MAP3K3: variants seen among roughly 807,000 people sequenced by gnomAD.
MAP3K3 encodes the protein MAP/ERK kinase kinase 3.
MAP3K3 carries 12 observed loss-of-function variants against 80.9 expected under a neutral mutation model. The observed-to-expected ratio is 0.15, with a 90% CI of 0.10 to 0.24. The LOEUF (loss-of-function observed/expected upper bound fraction) is 0.24. MAP3K3 is among the 10% of genes least tolerant of loss of function. The pLI, the probability that MAP3K3 is intolerant of heterozygous loss-of-function variation, is 1.00. For missense variants in MAP3K3, 596 were observed against 834.7 expected (o/e 0.71, Z 3.52); for synonymous variants, 272 against 307.1 (o/e 0.89, Z 1.19).
In MAP3K3 at chr17:63,652,666, CAGAT is replaced by C; in HGVS notation, c.267+11_267+14del. 1 of 1,578,320 alleles carries C rather than the reference CAGAT, an allele frequency of 6.3e-7. No homozygotes were observed. Among genetic ancestry groups the C allele is most frequent in the Non-Finnish European group, 8.7e-7 (1 of 1,147,442 alleles). On this transcript the variant is annotated intron_variant, in intron 4 of 15. Transcript: ENST00000361733. Reference sequence around the variant, plus strand: ...TTACATGAACAATGAGGTGAGAAGGCAGATGGATGGGGCAGGGACAAGAGGGGCA... The same window carrying C: ...TTACATGAACAATGAGGTGAGAAGGCGGATGGGGCAGGGACAAGAGGGGCA...
At chr17:63,624,432 A>G (rs559304209) in intron 1 of MAP3K3, among the ~76,000 whole-genome samples, 1 of 152,192 alleles carries the variant, frequency 6.6e-6, no homozygotes, top group Non-Finnish European at 1.5e-5. Context: ...TAGAGTGCCC[A>G]CATGTGTTGA....
At chr17:63,623,769 G>T (rs2034043266) in intron 1 of MAP3K3, among the ~76,000 whole-genome samples, 1 of 152,128 alleles carries the variant, frequency 6.6e-6, no homozygotes, top group South Asian at 2.1e-4. Flanking sequence ...CAAAATATTT[G>T]GTATTGCCCT....
At chr17:63,682,333 G>A (rs2035356097) in intron 7 of MAP3K3, 1 of 152,952 alleles carries the variant, frequency 6.5e-6, no homozygotes, top group African/African-American at 2.4e-5. Context: ...TTACACTGTA[G>A]GATTGGTTAG....
Position 63,691,120 on chromosome 17 carries a change from T to A in MAP3K3, c.1231T>A (p.Cys411Ser). 6.2e-7 allele frequency: 1 copy of A among 1,613,860 alleles called. No homozygotes were observed. Among genetic ancestry groups the A allele is most frequent in the East Asian group, 2.2e-5 (1 of 44,876 alleles). Residue 411 changes from cysteine (C) to serine (S), a missense_variant, in exon 13 of 16, where the codon TGC (cysteine) becomes AGC (serine). Cys to Ser is a moderately radical substitution (Grantham distance 112). Transcript: ENST00000361733. This position sits in a 1 kb window ranked among gnomAD's most constrained non-coding sequence, Gnocchi z 4.8. ...ETSKEVSALE[C>S]EIQLLKNLQH... ...CCCCTAGGAGGTGAGTGCTCTGGAG[T>A]GCGAGATCCAGTTGCTAAAGAACTT...
At chr17:63,634,714 A>G (rs746135992) in intron 2 of MAP3K3, 10 of 1,612,398 alleles carry the variant, frequency 6.2e-6, no homozygotes, top group Non-Finnish European at 8.5e-6. Context: ...TAAAGAAAAA[A>G]CACAACAGCA....
At position 63,690,324 on chromosome 17, in the gene MAP3K3, G is replaced by A; in HGVS notation, c.1124G>A (p.Arg375Lys). The A allele has an allele frequency of 6.2e-7, 1 of 1,614,208 alleles. No individual in the cohort carries two copies. The highest frequency in any genetic ancestry group is 8.5e-7 in the Non-Finnish European group (1 of 1,180,034). ...CTCCTGGGCCAGGGTGCCTTCGGCA[G>A]GGTCTATTTGTGCTATGACGTGGAC... ...GKLLGQGAFG[R>K]VYLCYDVDTG... is the part of the protein sequence containing the mutation. Residue 375 changes from arginine to lysine, a missense_variant, in exon 12 of 16, where the codon AGG (arginine) becomes AAG (lysine). Around this residue, in one of 2 missense-constraint regions of MAP3K3, gnomAD observed 364 missense variants for 588.9 expected, o/e 0.62. Transcript: ENST00000361733.
chr17:63,686,336 AGAC>A (rs1354889469), intron 8 of MAP3K3, among the ~76,000 whole-genome samples: 1 of 152,232 alleles, frequency 6.6e-6, no homozygotes, highest in Non-Finnish European at 1.5e-5. Context: ...CTTGCCTAAT[AGAC>A]CTGAGCACTG....
At position 63,689,562 on chromosome 17, in the gene MAP3K3, G is replaced by A. The variant is rs149846705; in HGVS notation, c.890G>A (p.Arg297Gln). 7.7e-5 allele frequency: 124 copies of A among 1,613,320 alleles called. 1 individual carries two copies. Among genetic ancestry groups the A allele is most frequent in the South Asian group, 4.4e-4 (40 of 90,952 alleles). ...CTTTCAGGCAGAAGAACATTTCCCCGAATACGGCGTCATCAAGGCAACTTG... is the reference window on the plus strand; with the variant it reads ...CTTTCAGGCAGAAGAACATTTCCCCAAATACGGCGTCATCAAGGCAACTTG... ...DYSDGRRTFP[R>Q]IRRHQGNLFT... is the part of the protein sequence containing the mutation. The change falls in exon 11 of 16, where the codon CGA becomes CAA. Residue 297 changes from arginine (R) to glutamine (Q), a missense_variant. Arg to Gln is a conservative substitution (Grantham distance 43). Transcript: ENST00000361733. The surrounding 1 kb of genome is among the most constrained non-coding windows in gnomAD (Gnocchi z 4.3).
intron 3 of MAP3K3, among the ~76,000 whole-genome samples, chr17:63,651,914 G>T (rs1174958475): frequency 6.6e-6 from 1 of 152,168 alleles, no homozygotes; most frequent in Non-Finnish European, 1.5e-5. Flanking sequence ...AAAGATGAAC[G>T]ATGGAAAAGA....
At chr17:63,622,862 G>A (rs2034017192) in intron 1 of MAP3K3, 99 bp downstream of exon 1, 2 of 266,610 alleles carry the variant, frequency 7.5e-6, no homozygotes, top group Admixed American at 3.7e-5. Context: ...TGACAGGCAT[G>A]GACAGCCCGC....
intron 7 of MAP3K3, 65 bp downstream of exon 7, chr17:63,681,964 G>A (rs192634159): frequency 7.7e-7 from 1 of 1,295,428 alleles, no homozygotes; most frequent in East Asian, 2.8e-5. Flanking sequence ...ATAACAAGGG[G>A]TTCTTAGTAG....
intron 12 of MAP3K3, 48 bp downstream of exon 12, chr17:63,690,460 A>G: frequency 6.3e-7 from 1 of 1,593,832 alleles, no homozygotes; most frequent in East Asian, 2.2e-5. Flanking sequence ...TTCAACAAAA[A>G]TGCCTGTCTT....
At chr17:63,683,493 C>CT (rs931221129) in intron 7 of MAP3K3, among the ~76,000 whole-genome samples, 4 of 152,094 alleles carry the variant, frequency 2.6e-5, no homozygotes, top group African/African-American at 7.2e-5. Context: ...GCCCCCTTCA[C>CT]TTTTTTACTT....
At chr17:63,669,484 T>C (rs77697458) in intron 6 of MAP3K3, among the ~76,000 whole-genome samples, 1 of 152,076 alleles carries the variant, frequency 6.6e-6, no homozygotes, top group African/African-American at 2.4e-5. Flanking sequence ...TTTTTTTTTT[T>C]TCTCGAGACA....
At chr17:63,631,027 CTG>C (rs1038310794) in intron 1 of MAP3K3, among the ~76,000 whole-genome samples, 2 of 152,142 alleles carry the variant, frequency 1.3e-5, no homozygotes, top group Non-Finnish European at 2.9e-5. Context: ...TGGCTTATGT[CTG>C]TAATCCCAGC....
chr17:63,663,388 G>T (rs1422431477), intron 5 of MAP3K3, among the ~76,000 whole-genome samples: 1 of 152,044 alleles, frequency 6.6e-6, no homozygotes, highest in African/African-American at 2.4e-5. Context: ...CGCAATCCCA[G>T]ATACTCGGGA....
At chr17:63,641,798 A>G (rs1219055603) in intron 2 of MAP3K3, among the ~76,000 whole-genome samples, 1 of 152,128 alleles carries the variant, frequency 6.6e-6, no homozygotes, top group Non-Finnish European at 1.5e-5. Flanking sequence ...GGAGAAAGCC[A>G]GAAGTCAGAA....
chr17:63,679,796 A>G (rs1253569282), intron 6 of MAP3K3, among the ~76,000 whole-genome samples: 2 of 152,212 alleles, frequency 1.3e-5, no homozygotes, highest in Non-Finnish European at 2.9e-5. Flanking sequence ...GAGCAATAGG[A>G]AATATATATA....
intron 3 of MAP3K3, among the ~76,000 whole-genome samples, chr17:63,647,333 C>T (rs773001096): frequency 3.9e-5 from 6 of 152,180 alleles, no homozygotes; most frequent in Non-Finnish European, 7.3e-5. Context: ...ATTGTCACTT[C>T]ACTGTTGCTA....
Sources: gnomAD v4.1 joint callset for allele counts (sites outside exome capture counted in the v4.1 genomes callset) on GRCh38, gnomAD v4.1.1 for gene constraint, gnomAD v4.1.1 regional missense constraint, Gnocchi (gnomAD v3.1) non-coding constraint, MANE v1.5 for transcripts, NCBI Gene and HGNC (gene_info 2026-07-23, HGNC 2026-07-21) for gene names.